The following GNAO1 variants were observed in gnomAD, a reference collection of about 807,000 sequenced individuals.
GNAO1 encodes G protein subunit alpha o1, also known as guanine nucleotide-binding protein G(o) subunit alpha.
For missense variants in GNAO1, 166 were observed against 478.7 expected (o/e 0.35, Z 6.10); for synonymous variants, 164 against 180.7 (o/e 0.91, Z 0.74).
At chr16:56,344,476 T>TGGCGATGGCCTC (rs1339343779) in intron 6 of GNAO1, 1 of 990,872 alleles carries the variant, frequency 1.0e-6, no homozygotes, top group East Asian at 1.1e-4. Context: ...ACTCAGGCCT[T>TGGCGATGGCCTC]GGCGATGGCC....
At chr16:56,303,724 A>G (rs1201223224) in intron 3 of GNAO1, among the ~76,000 whole-genome samples, 1 of 152,074 alleles carries the variant, frequency 6.6e-6, no homozygotes, top group African/African-American at 2.4e-5. Flanking sequence ...GCTTGCTATC[A>G]TTGACCCCCA....
intron 6 of GNAO1, chr16:56,347,081 A>G (rs1170365809): frequency 3.0e-6 from 3 of 985,256 alleles, no homozygotes; most frequent in African/African-American, 3.5e-5. Flanking sequence ...ACTCTTGGCA[A>G]GTGAGTCCAT....
At chr16:56,261,406 A>T (rs997522707) in intron 2 of GNAO1, among the ~76,000 whole-genome samples, 1 of 152,172 alleles carries the variant, frequency 6.6e-6, no homozygotes, top group Non-Finnish European at 1.5e-5. Flanking sequence ...AGAATGAGGG[A>T]TTCTGTCCAT....
intron 2 of GNAO1, among the ~76,000 whole-genome samples, chr16:56,233,407 G>A (rs950434813): frequency 2.0e-5 from 3 of 152,196 alleles, no homozygotes; most frequent in African/African-American, 4.8e-5. Context: ...AGCAATACAC[G>A]TTTCTGAGAG....
At chr16:56,226,627 G>A (rs2036535416) in intron 2 of GNAO1, 1 of 152,180 alleles carries the variant, frequency 6.6e-6, no homozygotes, top group Non-Finnish European at 1.5e-5. Flanking sequence ...GGAAAAAATG[G>A]TTTTGCTCTG....
rs964036186 is a variant in GNAO1, at chr16:56,354,549, G to A, written c.878-317G>A. On this transcript the variant is annotated intron_variant, in intron 7 of 8. Transcript: ENST00000262493. This position sits in a 1 kb window ranked among gnomAD's most constrained non-coding sequence, Gnocchi z 4.3. ...AAATTAGCTGGGCGTGGTGGCACGC[G>A]CCTGTATTACCAGCTACTCAGGAGG... Among the ~76,000 whole-genome samples the A allele has an allele frequency of 9.2e-5, 14 of 152,118 alleles. No homozygotes were observed. The highest frequency in any genetic ancestry group is 2.1e-4 in the South Asian group (1 of 4,820).
chr16:56,192,820 GGT>G, intron 2 of GNAO1: 1 of 566,320 alleles, frequency 1.8e-6, no homozygotes, highest in South Asian at 2.3e-5. Context: ...CTCCTGGGTG[GGT>G]GTTTTTTGGG....
intron 2 of GNAO1, among the ~76,000 whole-genome samples, chr16:56,223,877 C>G (rs1327512211): frequency 5.3e-5 from 8 of 152,226 alleles, no homozygotes; most frequent in Non-Finnish European, 1.2e-4. Context: ...TCATCCCCCA[C>G]AGGGCTGGCC....
chr16:56,315,951 C>T (rs183927437), intron 3 of GNAO1, among the ~76,000 whole-genome samples: 1,864 of 152,038 alleles, frequency 0.012, 21 homozygotes, highest in Non-Finnish European at 0.019. Context: ...CCCAGCTACT[C>T]GGGAGGCTGA....
At chr16:56,266,886 A>T (rs1419489376) in intron 2 of GNAO1, among the ~76,000 whole-genome samples, 4 of 152,190 alleles carry the variant, frequency 2.6e-5, no homozygotes, top group Non-Finnish European at 5.9e-5. Flanking sequence ...ATGAATAAAC[A>T]AAGGAAAGAG....
At chr16:56,211,771 C>T (rs184462839) in intron 2 of GNAO1, among the ~76,000 whole-genome samples, 1 of 152,298 alleles carries the variant, frequency 6.6e-6, no homozygotes, top group East Asian at 1.9e-4. Context: ...CACCCCCTCC[C>T]GCTTCTCGTT....
rs1429329418 is a variant in GNAO1, at chr16:56,347,891, TC to T, written c.724-3489del. ...TCTCTACTCCGCTGGTTCTGACCCA[TC>T]CCCTGGCTCTGCCCGCCGTCCCCCA... On this transcript the variant is annotated intron_variant, in intron 6 of 8. Coordinates refer to ENST00000262493, the MANE Select transcript of GNAO1 (RefSeq NM_020988.3). The T allele has an allele frequency of 6.1e-5, 58 of 955,620 alleles. No individual in the cohort carries two copies. In the Middle Eastern group the frequency reaches 1.6e-3, roughly 27 times the overall value. 59.2% of individuals were successfully genotyped at this position (955,620 alleles called of 1,614,324 possible). A position where few individuals can be genotyped will look rare whatever the true frequency, so the allele number is the denominator to read the frequency against.
Position 56,191,818 on chromosome 16 carries a change from G to C in GNAO1, c.-418G>C, listed in dbSNP as rs2036175681. 4.7e-6 allele frequency: 1 copy of C among 213,060 alleles called. No individual in the cohort carries two copies. The allele number at this position is 213,060 out of a possible 1,614,324, so 13.2% of individuals were successfully genotyped here. ...CGCCTCCTCCTCCTCCGGCAGCCGC[G>C]GCAGCAGGACCCACCCTGCCCCCCA... On this transcript the variant is annotated 5_prime_UTR_variant, in exon 1 of 9. Coordinates refer to ENST00000262493, the MANE Select transcript of GNAO1 (RefSeq NM_020988.3). The surrounding 1 kb of genome is among the most constrained non-coding windows in gnomAD (Gnocchi z 4.7).
chr16:56,254,538 A>G (rs1273087515), intron 2 of GNAO1, among the ~76,000 whole-genome samples: 1 of 151,876 alleles, frequency 6.6e-6, no homozygotes, highest in Non-Finnish European at 1.5e-5. Flanking sequence ...CTATGCATTT[A>G]TTTTCAACAT....
chr16:56,249,342 AC>A (rs2036778400), intron 2 of GNAO1, among the ~76,000 whole-genome samples: 1 of 152,166 alleles, frequency 6.6e-6, no homozygotes, highest in African/African-American at 2.4e-5. Context: ...CTGCTACGAC[AC>A]CGTTTCCTTC....
At position 56,192,001 on chromosome 16, in the gene GNAO1, T is replaced by G; in HGVS notation, c.-235T>G. 4.0e-6 allele frequency: 2 copies of G among 498,132 alleles called. No homozygotes were observed. Among genetic ancestry groups the G allele is most frequent in the East Asian group, 3.4e-5 (1 of 29,356 alleles). 30.9% of individuals were successfully genotyped at this position (498,132 alleles called of 1,614,324 possible). A position where few individuals can be genotyped will look rare whatever the true frequency, so the allele number is the denominator to read the frequency against. ...AGCCCCAGACCCCGGCCACCCTCGA[T>G]TCGACAACCCCAGACCCCTGCCAGC... is the stretch of plus-strand genomic sequence containing the variant. On this transcript the variant is annotated 5_prime_UTR_variant, in exon 1 of 9. Coordinates refer to ENST00000262493, the MANE Select transcript of GNAO1 (RefSeq NM_020988.3).
intron 3 of GNAO1, among the ~76,000 whole-genome samples, chr16:56,294,544 T>G (rs1054650246): frequency 6.6e-6 from 1 of 152,128 alleles, no homozygotes; most frequent in Non-Finnish European, 1.5e-5. Context: ...TTGTTTCCAT[T>G]CTGGGACTCT....
chr16:56,251,145 C>T (rs2036795527), intron 2 of GNAO1, among the ~76,000 whole-genome samples: 1 of 152,138 alleles, frequency 6.6e-6, no homozygotes, highest in Non-Finnish European at 1.5e-5. Context: ...TAATAACACC[C>T]CTATAAAGGA....
intron 2 of GNAO1, among the ~76,000 whole-genome samples, chr16:56,225,019 T>C (rs1454746325): frequency 6.6e-6 from 1 of 152,190 alleles, no homozygotes; most frequent in East Asian, 1.9e-4. Context: ...GTGAAATCTT[T>C]CTGGACAGCT....
Sources: gnomAD v4.1 joint callset for allele counts (sites outside exome capture counted in the v4.1 genomes callset) on GRCh38, gnomAD v4.1.1 for gene constraint, Gnocchi (gnomAD v3.1) non-coding constraint, MANE v1.5 for transcripts, NCBI Gene and HGNC (gene_info 2026-07-23, HGNC 2026-07-21) for gene names.